The following MEGF9 variants were observed in gnomAD, a reference collection of about 807,000 sequenced individuals.
MEGF9 encodes the protein multiple EGF like domains 9, also known as multiple epidermal growth factor-like domains protein 9.
MEGF9 carries 6 observed loss-of-function variants against 46.8 expected under a neutral mutation model. The observed-to-expected ratio is 0.13, with a 90% CI of 0.07 to 0.25. The LOEUF (loss-of-function observed/expected upper bound fraction) is 0.25. MEGF9 is among the 10% of genes least tolerant of loss of function. MEGF9 has a pLI of 1.00. For synonymous variants in MEGF9, 302 were observed against 330.7 expected, an observed-to-expected ratio of 0.91 and a Z score of 0.94; for missense variants, 683 against 792.4, an observed-to-expected ratio of 0.86 and a Z score of 1.66.
rs1361748378 is a variant in MEGF9 at position 120,714,337 on chromosome 9, C to T, written c.22G>A (p.Ala8Thr). The part of the protein sequence containing the change: MNGGAER[A>T]MRSLPSLGGL... ...CCCAGGCTCGGCAGGCTCCTCATGGCGCGCTCGGCTCCGCCATTCATTCAT... is the reference window on the plus strand; with the variant it reads ...CCCAGGCTCGGCAGGCTCCTCATGGTGCGCTCGGCTCCGCCATTCATTCAT... Residue 8 changes from alanine (A) to threonine (T), a missense_variant, in exon 1 of 6, where the codon GCC becomes ACC. Around this residue, in one of 2 missense-constraint regions of MEGF9, gnomAD observed 370 missense variants for 371.3 expected, o/e 1.00. Transcript: ENST00000373930. 3.7e-6 allele frequency: 5 copies of T among 1,343,482 alleles called. No individual in the cohort carries two copies. The African/African-American group carries it at 6.1e-5, about 16-fold the overall frequency. The allele number at this position is 1,343,482 out of a possible 1,614,324, so 83.2% of individuals were successfully genotyped here. A position where few individuals can be genotyped will look rare whatever the true frequency, so the allele number is the denominator to read the frequency against.
At chr9:120,668,567 C>T (rs191862047) in intron 1 of MEGF9, among the ~76,000 whole-genome samples, 1 of 152,300 alleles carries the variant, frequency 6.6e-6, no homozygotes, top group Admixed American at 6.5e-5. Flanking sequence ...GTTGTTAGTG[C>T]TTGTCCCTGG....
intron 1 of MEGF9, among the ~76,000 whole-genome samples, chr9:120,699,433 A>G (rs2043892965): frequency 6.6e-6 from 1 of 152,138 alleles, no homozygotes. Context: ...TTGTAAAAAA[A>G]CTGGCCAGGT....
At chr9:120,688,864 T>C (rs945741764) in intron 1 of MEGF9, among the ~76,000 whole-genome samples, 7 of 152,172 alleles carry the variant, frequency 4.6e-5, no homozygotes, top group South Asian at 2.1e-4. Context: ...GAATAGAAGA[T>C]AGAAAAATAT....
chr9:120,629,120 TG>T (rs1464429478), intron 2 of MEGF9, among the ~76,000 whole-genome samples: 2 of 152,182 alleles, frequency 1.3e-5, no homozygotes, highest in Non-Finnish European at 2.9e-5. Context: ...ACTACAGGCA[TG>T]TGCCACCATG....
chr9:120,630,758 T>G (rs934300979), intron 2 of MEGF9, among the ~76,000 whole-genome samples: 2 of 152,222 alleles, frequency 1.3e-5, no homozygotes, highest in Non-Finnish European at 2.9e-5. Flanking sequence ...CTCTGATGAT[T>G]AGTGATGTTG....
Position 120,607,972 on chromosome 9 carries a change from C to G in MEGF9, c.1126G>C (p.Asp376His). 6.2e-7 allele frequency: 1 copy of G among 1,614,004 alleles called. No homozygotes were observed. The highest frequency in any genetic ancestry group is 1.1e-5 in the South Asian group (1 of 91,090). ...TTGCAGTTCGGGCCTATGTAACCATCTTTACACTGGTCACATTCAGGTTCC... is the reference window on the plus strand; with the variant it reads ...TTGCAGTTCGGGCCTATGTAACCATGTTTACACTGGTCACATTCAGGTTCC... ...ELEPECDQCK[D>H]GYIGPNCNKC... The change falls in exon 5 of 6, where the codon GAT becomes CAT. Residue 376 changes from aspartate to histidine, a missense_variant. Around this residue, in one of 2 missense-constraint regions of MEGF9, gnomAD observed 313 missense variants for 421.1 expected, o/e 0.74. Coordinates refer to ENST00000373930, the MANE Select transcript of MEGF9 (RefSeq NM_001080497.3).
intron 2 of MEGF9, among the ~76,000 whole-genome samples, chr9:120,645,594 T>C (rs931203882): frequency 1.3e-5 from 2 of 152,190 alleles, no homozygotes; most frequent in African/African-American, 2.4e-5. Flanking sequence ...GACAATTAGT[T>C]ACCTGTTGAT....
At chr9:120,676,804 G>A (rs1330417424) in intron 1 of MEGF9, among the ~76,000 whole-genome samples, 3 of 151,934 alleles carry the variant, frequency 2.0e-5, no homozygotes, top group Admixed American at 6.6e-5. Context: ...ACTATGTCTC[G>A]GACTTTGTTG....
In MEGF9 at chr9:120,677,940, C is replaced by T. The variant is rs146407860; in HGVS notation, c.602-18365G>A. Among the ~76,000 whole-genome samples, 255 of 152,304 alleles carry T rather than the reference C, an allele frequency of 1.7e-3. 4 individuals are homozygous for T. In the East Asian group the frequency reaches 0.043, roughly 26 times the overall value. ...TTCCATGCAACCCCCGACTACTCTT[C>T]CCAGACTCTAGTAAATATCTTTCTA... is the stretch of plus-strand genomic sequence containing the variant. On this transcript the variant is annotated intron_variant, in intron 1 of 5. Transcript: ENST00000373930.
chr9:120,657,577 A>T (rs1188111787), intron 2 of MEGF9, among the ~76,000 whole-genome samples: 1 of 152,198 alleles, frequency 6.6e-6, no homozygotes, highest in Non-Finnish European at 1.5e-5. Flanking sequence ...AAAGTAGTGG[A>T]CACTCCATGA....
chr9:120,676,641 T>G (rs2043774461), intron 1 of MEGF9, among the ~76,000 whole-genome samples: 1 of 152,240 alleles, frequency 6.6e-6, no homozygotes, highest in Non-Finnish European at 1.5e-5. Flanking sequence ...GGTCATATCT[T>G]ATCTGGCTAA....
chr9:120,686,806 A>G (rs1234047531), intron 1 of MEGF9, among the ~76,000 whole-genome samples: 4 of 152,234 alleles, frequency 2.6e-5, no homozygotes, highest in Admixed American at 6.5e-5. Context: ...AATATAGCAT[A>G]GTACTTGGCA....
chr9:120,700,232 T>A (rs2043897927), intron 1 of MEGF9, among the ~76,000 whole-genome samples: 1 of 152,232 alleles, frequency 6.6e-6, no homozygotes, highest in Non-Finnish European at 1.5e-5. Context: ...ATAGAAAGAC[T>A]AGAATTTAGT....
chr9:120,619,942 C>A (rs938202085), intron 3 of MEGF9, among the ~76,000 whole-genome samples: 2 of 151,948 alleles, frequency 1.3e-5, no homozygotes, highest in African/African-American at 4.9e-5. Context: ...AGAGGGCAAC[C>A]TTATCACAGC....
intron 1 of MEGF9, among the ~76,000 whole-genome samples, chr9:120,712,644 T>C (rs1269096147): frequency 6.6e-6 from 1 of 152,172 alleles, no homozygotes; most frequent in Non-Finnish European, 1.5e-5. Flanking sequence ...TGTATTAAGG[T>C]TCATAACCAT....
intron 1 of MEGF9, among the ~76,000 whole-genome samples, chr9:120,690,366 A>AGT (rs147458407): frequency 7.9e-5 from 12 of 152,020 alleles, no homozygotes; most frequent in South Asian, 6.2e-4. Flanking sequence ...CCCTGGAGTC[A>AGT]GTGTGTGTGT....
At chr9:120,634,187 T>C (rs1015676770) in intron 2 of MEGF9, among the ~76,000 whole-genome samples, 5 of 152,180 alleles carry the variant, frequency 3.3e-5, no homozygotes, top group Non-Finnish European at 7.4e-5. Context: ...ACGTTAGATA[T>C]TGGGTGTTGA....
intron 2 of MEGF9, among the ~76,000 whole-genome samples, chr9:120,645,314 C>G (rs977099109): frequency 1.1e-4 from 17 of 152,118 alleles, no homozygotes; most frequent in African/African-American, 4.1e-4. Flanking sequence ...CCTAGGAGAC[C>G]TAATTTAGAG....
chr9:120,702,377 T>C (rs1465230717), intron 1 of MEGF9, among the ~76,000 whole-genome samples: 1 of 152,208 alleles, frequency 6.6e-6, no homozygotes, highest in Non-Finnish European at 1.5e-5. Context: ...ACCAAGCTTA[T>C]CAGAACTTTT....
Sources: allele counts gnomAD v4.1 joint callset (sites outside exome capture counted in the v4.1 genomes callset), GRCh38; gene constraint gnomAD v4.1.1; regional missense constraint gnomAD v4.1.1; transcripts MANE v1.5; gene names NCBI Gene and HGNC (gene_info 2026-07-23, HGNC 2026-07-21).